LRFN2: variants seen among roughly 807,000 people sequenced by gnomAD.
LRFN2 encodes leucine-rich repeat and fibronectin type-III domain-containing protein 2.
Under a neutral mutation model 37.3 loss-of-function variants are expected in LRFN2, and 18 were observed. That is an observed-to-expected ratio of 0.48 (90% CI 0.33 to 0.72). The LOEUF (loss-of-function observed/expected upper bound fraction) is 0.72, where lower values mean the gene tolerates loss of function less well. Ranked by LOEUF, LRFN2 falls within the 30% of genes least tolerant of loss-of-function variation. LRFN2 has a pLI of 0.02. For synonymous variants in LRFN2, 556 were observed against 466.6 expected (o/e 1.19, Z -2.47); for missense variants, 1,006 against 1,060.7 (o/e 0.95, Z 0.72).
chr6:40,476,831 C>T (rs1764717822), intron 1 of LRFN2, among the ~76,000 whole-genome samples: 1 of 152,202 alleles, frequency 6.6e-6, no homozygotes, highest in South Asian at 2.1e-4. Flanking sequence ...GTTGGTGGCC[C>T]AATGGACATC....
chr6:40,473,058 G>A (rs979763172), intron 1 of LRFN2, among the ~76,000 whole-genome samples: 1 of 152,088 alleles, frequency 6.6e-6, no homozygotes, highest in Non-Finnish European at 1.5e-5. Flanking sequence ...TGCCTCTCGG[G>A]ATCCAGCTCA....
chr6:40,460,449 A>G (rs1764324190), intron 1 of LRFN2, among the ~76,000 whole-genome samples: 1 of 152,138 alleles, frequency 6.6e-6, no homozygotes, highest in African/African-American at 2.4e-5. Context: ...AGGAGGGGCA[A>G]ATTCTATGGC....
At chr6:40,442,449 C>T (rs959381297) in intron 1 of LRFN2, among the ~76,000 whole-genome samples, 7 of 152,312 alleles carry the variant, frequency 4.6e-5, no homozygotes, top group East Asian at 1.9e-4. Flanking sequence ...TTGACAGTTA[C>T]TGCAGGTAGG....
At chr6:40,444,948 G>A (rs1763933325) in intron 1 of LRFN2, among the ~76,000 whole-genome samples, 1 of 150,352 alleles carries the variant, frequency 6.7e-6, no homozygotes, top group South Asian at 2.1e-4. Flanking sequence ...GACTTTGTTT[G>A]CTGTCAAGAG....
At chr6:40,546,721 G>T (rs1220063855) in intron 1 of LRFN2, among the ~76,000 whole-genome samples, 2 of 152,194 alleles carry the variant, frequency 1.3e-5, no homozygotes, top group African/African-American at 4.8e-5. Flanking sequence ...ACTGTTCTCA[G>T]TGTTGTGTAT....
chr6:40,510,199 C>A (rs1292297385), intron 1 of LRFN2, among the ~76,000 whole-genome samples: 1 of 151,660 alleles, frequency 6.6e-6, no homozygotes, highest in African/African-American at 2.4e-5. Context: ...CCAGGGAACA[C>A]TGGGCTTCAC....
intron 1 of LRFN2, among the ~76,000 whole-genome samples, chr6:40,543,176 T>C (rs150007811): frequency 9.2e-5 from 14 of 152,342 alleles, no homozygotes; most frequent in African/African-American, 3.4e-4. Context: ...CTCCCTGCAA[T>C]GCATGAACGC....
chr6:40,508,543 C>G (rs1765605207), intron 1 of LRFN2, among the ~76,000 whole-genome samples: 1 of 152,190 alleles, frequency 6.6e-6, no homozygotes, highest in Non-Finnish European at 1.5e-5. Context: ...GACTCAGGAG[C>G]CCACTTAGAT....
At chr6:40,570,071 G>T (rs534050869) in intron 1 of LRFN2, among the ~76,000 whole-genome samples, 108 of 152,174 alleles carry the variant, frequency 7.1e-4, no homozygotes, top group African/African-American at 2.6e-3. Context: ...CAATGGCCTG[G>T]CAACTGTCTT....
intron 1 of LRFN2, among the ~76,000 whole-genome samples, chr6:40,503,013 A>T (rs1355900501): frequency 6.6e-6 from 1 of 152,216 alleles, no homozygotes; most frequent in Non-Finnish European, 1.5e-5. Context: ...CCAAGACTGT[A>T]TCAGGGAGGA....
intron 1 of LRFN2, among the ~76,000 whole-genome samples, chr6:40,455,921 C>T (rs1224422854): frequency 6.6e-6 from 1 of 152,110 alleles, no homozygotes; most frequent in Non-Finnish European, 1.5e-5. Flanking sequence ...GGGACTCAGC[C>T]CTTGCTGAAG....
chr6:40,421,008 G>C (rs1440151521), intron 2 of LRFN2, among the ~76,000 whole-genome samples: 2 of 152,168 alleles, frequency 1.3e-5, no homozygotes, highest in Admixed American at 1.3e-4. Flanking sequence ...AGGAAGCTGG[G>C]GTATTAATCC....
chr6:40,427,888 C>G (rs1763390910), intron 2 of LRFN2, among the ~76,000 whole-genome samples: 1 of 152,194 alleles, frequency 6.6e-6, no homozygotes, highest in African/African-American at 2.4e-5. Context: ...CCTGGTGACC[C>G]AGAACTCATA....
At chr6:40,503,025 G>A (rs539295787) in intron 1 of LRFN2, among the ~76,000 whole-genome samples, 3 of 152,330 alleles carry the variant, frequency 2.0e-5, no homozygotes, top group African/African-American at 7.2e-5. Context: ...CAGGGAGGAA[G>A]CACAGTGAAT....
intron 1 of LRFN2, among the ~76,000 whole-genome samples, chr6:40,486,845 C>T (rs1764970302): frequency 6.6e-6 from 1 of 152,146 alleles, no homozygotes; most frequent in Admixed American, 6.5e-5. Flanking sequence ...AGACATATCT[C>T]AAGTGCTGTA....
chr6:40,488,407 A>AC (rs1338742146), intron 1 of LRFN2, among the ~76,000 whole-genome samples: 6 of 144,564 alleles, frequency 4.2e-5, no homozygotes, highest in Non-Finnish European at 7.5e-5. Flanking sequence ...TGGCACCAGC[A>AC]CCCCCATGAG....
At chr6:40,466,415 A>C (rs1390105633) in intron 1 of LRFN2, among the ~76,000 whole-genome samples, 1 of 152,186 alleles carries the variant, frequency 6.6e-6, no homozygotes, top group African/African-American at 2.4e-5. Flanking sequence ...GAAGAGTCTC[A>C]GTCCCATTTT....
chr6:40,504,363 G>C (rs989043450), intron 1 of LRFN2, among the ~76,000 whole-genome samples: 2 of 152,158 alleles, frequency 1.3e-5, no homozygotes, highest in Non-Finnish European at 2.9e-5. Flanking sequence ...ATCACAGGAC[G>C]ATCTTAAACA....
Position 40,569,560 on chromosome 6 carries a change from C to T in LRFN2, c.-19+17381G>A, listed in dbSNP as rs542931652. Among the ~76,000 whole-genome samples, 29 of 152,236 alleles carry T rather than the reference C, an allele frequency of 1.9e-4. No individual in the cohort carries two copies. The East Asian group carries it at 5.0e-3, about 26-fold the overall frequency. ...TTGGCATAGTGGTTGGGGGCAGGAG[C>T]GGCCAGGTGTAATGCCGCACTGCCC... is the stretch of plus-strand genomic sequence containing the variant. On this transcript the variant is annotated intron_variant, in intron 1 of 2. Coordinates refer to ENST00000338305, the MANE Select transcript of LRFN2 (RefSeq NM_020737.3).
Sources: gnomAD v4.1 joint callset for allele counts (sites outside exome capture counted in the v4.1 genomes callset) on GRCh38, gnomAD v4.1.1 for gene constraint, MANE v1.5 for transcripts, NCBI Gene and HGNC (gene_info 2026-07-23, HGNC 2026-07-21) for gene names.